Variants in DHCR7 observed in about 807,000 individuals in gnomAD.
DHCR7 encodes the protein 7-dehydrocholesterol reductase.
DHCR7 carries 40 observed loss-of-function variants against 43.3 expected under a neutral mutation model. That is an observed-to-expected ratio of 0.92 (90% CI 0.72 to 1.20). The LOEUF (loss-of-function observed/expected upper bound fraction) is 1.20, where lower values mean the gene tolerates loss of function less well. DHCR7 is among the 50% of genes most tolerant of loss of function. The probability of loss-of-function intolerance (pLI) is 0.00; values close to 1 mark genes in which losing one functional copy is unlikely to be tolerated. For missense variants in DHCR7, 608 were observed against 644.6 expected, an observed-to-expected ratio of 0.94 and a Z score of 0.62; for synonymous variants, 298 against 271.4, an observed-to-expected ratio of 1.10 and a Z score of -0.96.
chr11:71,436,520 G>A (rs1299558361), intron 8 of DHCR7, among the ~76,000 whole-genome samples: 2 of 152,170 alleles, frequency 1.3e-5, no homozygotes, highest in African/African-American at 4.8e-5. Flanking sequence ...AAAATTAGCT[G>A]GGCGTGGTGG....
At chr11:71,445,799 A>G (rs1440082932) in intron 2 of DHCR7, among the ~76,000 whole-genome samples, 1 of 152,256 alleles carries the variant, frequency 6.6e-6, no homozygotes, top group African/African-American at 2.4e-5. Flanking sequence ...GCTTTAAAAT[A>G]TCTGAGATTT....
In DHCR7 at chr11:71,444,144, AAGT is replaced by A; in HGVS notation, c.167_169del (p.Tyr56del). Reference sequence around the variant, plus strand: ...GCTGTACTGGTCACAAGCCATGATGAAGTAGTAGACGATGAAGGGGGCGAACAG... The same window carrying A: ...GCTGTACTGGTCACAAGCCATGATGAAGTAGACGATGAAGGGGGCGAACAG... On this transcript the variant is annotated inframe_deletion, in exon 4 of 9. Coordinates refer to ENST00000355527, the MANE Select transcript of DHCR7 (RefSeq NM_001360.3). 3 of 1,611,808 alleles carry A rather than the reference AAGT, an allele frequency of 1.9e-6. No homozygotes were observed. The highest frequency in any genetic ancestry group is 2.5e-6 in the Non-Finnish European group (3 of 1,178,902).
intron 6 of DHCR7, among the ~76,000 whole-genome samples, chr11:71,440,225 T>C (rs1464660532): frequency 1.3e-5 from 2 of 152,162 alleles, no homozygotes; most frequent in Non-Finnish European, 2.9e-5. Flanking sequence ...GGTCAGGAGC[T>C]GCGGACATTG....
chr11:71,431,531 C>A (rs527470477), downstream of DHCR7, among the ~76,000 whole-genome samples: 4 of 152,180 alleles, frequency 2.6e-5, no homozygotes, highest in African/African-American at 9.7e-5. Context: ...AGTCGGCCCT[C>A]GGTGGCACCA....
Position 71,441,393 on chromosome 11 carries a change from T to C in DHCR7, c.460A>G (p.Thr154Ala), listed in dbSNP as rs779417085. Residue 154 changes from threonine (T) to alanine (A), a missense_variant, in exon 6 of 9, where the codon ACG becomes GCG. By Grantham distance (58) the Thr-to-Ala change is moderately conservative. Coordinates refer to ENST00000355527, the MANE Select transcript of DHCR7 (RefSeq NM_001360.3). ...QINGLQAWLL[T>A]HLLWFANAHL... ...GCGTTTGCAAACCAGAGCAGGTGCG[T>C]GAGGAGCCAGGCTTGCAGGCCATTG... 6.2e-7 allele frequency: 1 copy of C among 1,614,028 alleles called. No individual in the cohort carries two copies. Among genetic ancestry groups the C allele is most frequent in the Non-Finnish European group, 8.5e-7 (1 of 1,179,932 alleles).
At position 71,435,312 on chromosome 11, in the gene DHCR7, C is replaced by T. The variant is rs918545080; in HGVS notation, c.*63G>A. On this transcript the variant is annotated 3_prime_UTR_variant, in exon 9 of 9. Transcript: ENST00000355527. ...CTCGAGTTGGAGCTGGGATGCCAGC[C>T]CCCATGGACCTGGCAGAACACGCTC... The T allele has an allele frequency of 5.9e-6, 9 of 1,530,542 alleles. No homozygotes were observed. In the African/African-American group the frequency reaches 8.1e-5, roughly 14 times the overall value. The allele number at this position is 1,530,542 out of a possible 1,614,324, so 94.8% of individuals were successfully genotyped here.
chr11:71,441,501 G>T, intron 5 of DHCR7, 61 bp from the exon 6 acceptor site: 1 of 1,396,406 alleles, frequency 7.2e-7, no homozygotes, highest in Non-Finnish European at 1.0e-6. Context: ...GAGCTTGGCT[G>T]GGCTGAAGCA....
Position 71,435,150 on chromosome 11 carries a change from T to C in DHCR7, c.*225A>G. ...AGGGACACTGATTAGAGAAAATCCG[T>C]CTGTGCTGGCAATACGGCAGTGCTG... On this transcript the variant is annotated 3_prime_UTR_variant, in exon 9 of 9. Transcript: ENST00000355527. 2 of 691,278 alleles carry C rather than the reference T, an allele frequency of 2.9e-6. No individual in the cohort carries two copies. The highest frequency in any genetic ancestry group is 5.3e-6 in the Non-Finnish European group (2 of 378,738). 42.8% of individuals were successfully genotyped at this position (691,278 alleles called of 1,614,324 possible).
rs576060258 is a variant in DHCR7, at chr11:71,434,710, C to T, written c.*665G>A. 5.2e-6 allele frequency: 1 copy of T among 190,852 alleles called. No homozygotes were observed. The highest frequency in any genetic ancestry group is 2.4e-5 in the African/African-American group (1 of 42,382). 11.8% of individuals were successfully genotyped at this position (190,852 alleles called of 1,614,324 possible). A position where few individuals can be genotyped will look rare whatever the true frequency, so the allele number is the denominator to read the frequency against. ...GAATCGGGAAGCAGAGCCCACCTGC[C>T]TACACCTGAAAGGCCACAGCCGGTG... On this transcript the variant is annotated 3_prime_UTR_variant, in exon 9 of 9. Transcript: ENST00000355527.
At chr11:71,431,698 G>A (rs1792271), downstream of DHCR7, among the ~76,000 whole-genome samples, 129,818 of 152,242 alleles carry the variant, frequency 0.85, 56,386 homozygotes, top group Non-Finnish European at 0.95. Context: ...CAGAAGTGTT[G>A]CTGAAAAATA....
intron 8 of DHCR7, among the ~76,000 whole-genome samples, chr11:71,436,269 G>A (rs1454135967): frequency 2.0e-5 from 3 of 152,216 alleles, no homozygotes; most frequent in African/African-American, 4.8e-5. Context: ...CAACCAGGCA[G>A]AGTGGATGAC....
intron 6 of DHCR7, 68 bp from the exon 7 acceptor site, chr11:71,439,151 T>A: frequency 6.8e-7 from 1 of 1,470,118 alleles, no homozygotes; most frequent in South Asian, 1.2e-5. Context: ...CCACCTTACT[T>A]AGCGAGAGCC....
At chr11:71,448,037 C>T (rs1949422422) in intron 1 of DHCR7, 1 of 152,462 alleles carries the variant, frequency 6.6e-6, no homozygotes, top group African/African-American at 2.4e-5. Context: ...GGGGAAGCTC[C>T]AGACAGCGCG....
At chr11:71,427,537 T>G (rs890397635), downstream of DHCR7, among the ~76,000 whole-genome samples, 1 of 152,236 alleles carries the variant, frequency 6.6e-6, no homozygotes, top group Non-Finnish European at 1.5e-5. Flanking sequence ...TTAGTTCTAG[T>G]AGCTTTTTTT....
chr11:71,441,438 C>A lies in DHCR7; in HGVS notation c.415G>T (p.Val139Phe). 2 of 1,611,214 alleles carry A rather than the reference C, an allele frequency of 1.2e-6. No individual in the cohort carries two copies. The highest frequency in any genetic ancestry group is 1.7e-5 in the Admixed American group (1 of 59,530). The change falls in exon 6 of 9, where the codon GTT becomes TTT. Residue 139 changes from valine to phenylalanine, a missense_variant and splice_region_variant. Transcript: ENST00000355527. Reference sequence around the variant, plus strand: ...CCATTGATCTGATACTTGTTCACAACCCCTGCAGATGAAGGATTCAGAAAT... The same window carrying A: ...CCATTGATCTGATACTTGTTCACAAACCCTGCAGATGAAGGATTCAGAAAT... ...IQEGAVTPAG[V>F]VNKYQINGLQ... is the part of the protein sequence containing the mutation.
At chr11:71,434,314 C>T (rs144347001), downstream of DHCR7, 1 of 152,464 alleles carries the variant, frequency 6.6e-6, no homozygotes, top group African/African-American at 2.4e-5. Flanking sequence ...GACATCCCTT[C>T]TCATACCAGA....
At position 71,434,630 on chromosome 11, in the gene DHCR7, C is replaced by A; in HGVS notation, c.*745G>T. 1 of 160,880 alleles carries A rather than the reference C, an allele frequency of 6.2e-6. No homozygotes were observed. The highest frequency in any genetic ancestry group is 5.9e-5 in the Admixed American group (1 of 17,078). 10.0% of individuals were successfully genotyped at this position (160,880 alleles called of 1,614,324 possible). A position where few individuals can be genotyped will look rare whatever the true frequency, so the allele number is the denominator to read the frequency against. On this transcript the variant is annotated 3_prime_UTR_variant, in exon 9 of 9. Coordinates refer to ENST00000355527, the MANE Select transcript of DHCR7 (RefSeq NM_001360.3). ...TTCCCCGGGTTGCTCGAGCCAGAGT[C>A]TGCACAGTCATAGGGCAAGCAGAAA...
intron 4 of DHCR7, 81 bp downstream of exon 4, chr11:71,443,912 C>T (rs1392389050): frequency 1.7e-6 from 2 of 1,174,646 alleles, no homozygotes; most frequent in Admixed American, 2.4e-5. Flanking sequence ...ATCCATGTCC[C>T]AGACAAATGG....
downstream of DHCR7, among the ~76,000 whole-genome samples, chr11:71,429,790 C>T (rs1197135057): frequency 1.3e-5 from 2 of 152,122 alleles, no homozygotes; most frequent in African/African-American, 2.4e-5. Context: ...GGTGGACTTG[C>T]CTGGTACTTG....
Sources: gnomAD v4.1 joint callset for allele counts (sites outside exome capture counted in the v4.1 genomes callset) on GRCh38, gnomAD v4.1.1 for gene constraint, MANE v1.5 for transcripts, NCBI Gene and HGNC (gene_info 2026-07-23, HGNC 2026-07-21) for gene names.